Variants in VIT observed in about 807,000 individuals in gnomAD.
VIT encodes the protein vitrin.
Under a neutral mutation model 78.0 loss-of-function variants are expected in VIT, and 99 were observed. The ratio of observed to expected loss-of-function variants is 1.27; its 90% CI spans 1.08 to 1.50. The LOEUF (loss-of-function observed/expected upper bound fraction) is 1.50, where lower values mean the gene tolerates loss of function less well. Ranked by LOEUF, VIT falls within the 40% of genes most tolerant of loss-of-function variation. The pLI, the probability that VIT is intolerant of heterozygous loss-of-function variation, is 0.00. For missense variants in VIT, 1,126 were observed against 875.3 expected (o/e 1.29, Z -3.61); for synonymous variants, 374 against 334.3 (o/e 1.12, Z -1.29).
intron 6 of VIT, among the ~76,000 whole-genome samples, chr2:36,761,986 A>C (rs1399096287): frequency 6.6e-6 from 1 of 152,228 alleles, no homozygotes; most frequent in Non-Finnish European, 1.5e-5. Context: ...TAAGCAGCCC[A>C]AAAAGTATGC....
At chr2:36,731,563 G>A (rs1242636816) in intron 3 of VIT, among the ~76,000 whole-genome samples, 1 of 152,094 alleles carries the variant, frequency 6.6e-6, no homozygotes, top group South Asian at 2.1e-4. Flanking sequence ...GTGAGCCACC[G>A]CAACCGGCCA....
At chr2:36,729,397 T>G in intron 2 of VIT, 29 bp from the exon 3 acceptor site, 1 of 1,565,528 alleles carries the variant, frequency 6.4e-7, no homozygotes, top group Non-Finnish European at 8.7e-7. Context: ...ATAAAATTGA[T>G]TAAATTTTTA....
intron 15 of VIT, among the ~76,000 whole-genome samples, chr2:36,812,492 A>G (rs1667245419): frequency 1.3e-5 from 2 of 151,766 alleles, no homozygotes; most frequent in Non-Finnish European, 2.9e-5. Context: ...CACCCCGGGC[A>G]GTCTCCCAGT....
intron 1 of VIT, among the ~76,000 whole-genome samples, chr2:36,716,108 A>C (rs562088294): frequency 2.0e-5 from 3 of 152,320 alleles, no homozygotes; most frequent in Admixed American, 2.0e-4. Flanking sequence ...CTAAGTAAAC[A>C]TCAAATATTT....
intron 14 of VIT, among the ~76,000 whole-genome samples, chr2:36,807,593 A>AT (rs1456484470): frequency 2.0e-5 from 3 of 152,218 alleles, no homozygotes; most frequent in African/African-American, 7.2e-5. Flanking sequence ...TAATCTTTTA[A>AT]TTATACAAGG....
At chr2:36,713,469 G>T (rs1277645909) in intron 1 of VIT, among the ~76,000 whole-genome samples, 1 of 152,214 alleles carries the variant, frequency 6.6e-6, no homozygotes, top group Non-Finnish European at 1.5e-5. Flanking sequence ...CTTTTCTTCT[G>T]AGTAAGACGG....
At chr2:36,743,906 C>T (rs1667983140) in intron 4 of VIT, among the ~76,000 whole-genome samples, 1 of 152,066 alleles carries the variant, frequency 6.6e-6, no homozygotes, top group South Asian at 2.1e-4. Flanking sequence ...ATGAACCCAT[C>T]ACCCAGGAAG....
intron 9 of VIT, among the ~76,000 whole-genome samples, chr2:36,778,687 G>T (rs959213191): frequency 6.6e-6 from 1 of 152,110 alleles, no homozygotes; most frequent in Non-Finnish European, 1.5e-5. Flanking sequence ...TGTGTGATGC[G>T]CTACCAGCAT....
chr2:36,766,404 C>T (rs1669432077), intron 6 of VIT, among the ~76,000 whole-genome samples: 1 of 152,162 alleles, frequency 6.6e-6, no homozygotes, highest in Non-Finnish European at 1.5e-5. Context: ...TGGTGTCTTG[C>T]ACCTGTAGTC....
At chr2:36,755,171 T>C in intron 5 of VIT, 117 bp downstream of exon 5, 1 of 1,149,772 alleles carries the variant, frequency 8.7e-7, no homozygotes, top group South Asian at 2.1e-5. Flanking sequence ...ATCTGAAGCA[T>C]TCGTTTTTCT....
In VIT at chr2:36,802,437, C is replaced by T. The variant is rs114167860; in HGVS notation, c.1162+1033C>T. Among the ~76,000 whole-genome samples the T allele has an allele frequency of 2.0e-3, 303 of 152,334 alleles. 6 individuals carry two copies. Among genetic ancestry groups the T allele is most frequent in the Non-Finnish European group, 7.2e-4 (49 of 68,036 alleles). ...AATTGAGCTGTCTTTGAGGGAGCAT[C>T]CTCAGAGTTACAGTAAATCCGATTA... On this transcript the variant is annotated intron_variant, in intron 13 of 15. Coordinates refer to ENST00000379242, the MANE Select transcript of VIT (RefSeq NM_053276.4).
chr2:36,801,550 G>A (rs576195254), intron 13 of VIT, 146 bp downstream of exon 13: 3 of 696,288 alleles, frequency 4.3e-6, no homozygotes, highest in South Asian at 3.8e-5. Flanking sequence ...GTTCACACCT[G>A]TTATCCCAGC....
At chr2:36,756,530 C>A (rs1031856995) in intron 5 of VIT, among the ~76,000 whole-genome samples, 3 of 152,176 alleles carry the variant, frequency 2.0e-5, no homozygotes. Context: ...CCCCTACCGT[C>A]CTCCACTGAT....
chr2:36,811,165 A>G (rs879256750), intron 15 of VIT, among the ~76,000 whole-genome samples: 9 of 152,154 alleles, frequency 5.9e-5, no homozygotes, highest in Admixed American at 5.9e-4. Context: ...CAACAATCAC[A>G]AGGTCCACCA....
intron 11 of VIT, among the ~76,000 whole-genome samples, chr2:36,784,849 A>T (rs1664986689): frequency 6.6e-6 from 1 of 152,244 alleles, no homozygotes; most frequent in Admixed American, 6.5e-5. Context: ...TAAGAAAGTC[A>T]TGGGTCTCAG....
At chr2:36,779,809 C>T (rs1348730741) in intron 9 of VIT, among the ~76,000 whole-genome samples, 2 of 152,204 alleles carry the variant, frequency 1.3e-5, no homozygotes, top group African/African-American at 4.8e-5. Context: ...CCCTGGTTTT[C>T]TAAGAGTGAC....
chr2:36,800,916 G>T (rs1666276711), intron 12 of VIT, among the ~76,000 whole-genome samples: 2 of 152,138 alleles, frequency 1.3e-5, no homozygotes, highest in Non-Finnish European at 2.9e-5. Flanking sequence ...TCTGGAGAGG[G>T]GGGTCTGGGG....
intron 1 of VIT, among the ~76,000 whole-genome samples, chr2:36,710,505 G>T (rs2148433356): frequency 6.6e-6 from 1 of 152,252 alleles, no homozygotes; most frequent in South Asian, 2.1e-4. Context: ...AATTTTTCAT[G>T]TGTTCCTTTG....
chr2:36,808,952 G>A lies in VIT; in HGVS notation c.1870G>A (p.Val624Ile), dbSNP rs767426468. The change falls in exon 15 of 16, where the codon GTC (valine) becomes ATC (isoleucine). Residue 624 changes from valine to isoleucine, a missense_variant. Coordinates refer to ENST00000379242, the MANE Select transcript of VIT (RefSeq NM_053276.4). Reference sequence around the variant, plus strand: ...CACCGACGGGAGGTCCTACGACGACGTCCGGATCCCAGCCATGGCTGCCCA... The same window carrying A: ...CACCGACGGGAGGTCCTACGACGACATCCGGATCCCAGCCATGGCTGCCCA... ...LITDGRSYDDVRIPAMAAHLK... is the reference protein window; with the variant it reads ...LITDGRSYDDIRIPAMAAHLK... The A allele has an allele frequency of 2.1e-5, 34 of 1,601,880 alleles. No individual in the cohort carries two copies. The Admixed American group carries it at 2.3e-4, about 11-fold the overall frequency.
Sources: allele counts gnomAD v4.1 joint callset (sites outside exome capture counted in the v4.1 genomes callset), GRCh38; gene constraint gnomAD v4.1.1; transcripts MANE v1.5; gene names NCBI Gene and HGNC (gene_info 2026-07-23, HGNC 2026-07-21).